Variants in UNC5C observed in about 807,000 individuals in gnomAD.
UNC5C encodes unc-5 netrin receptor C, also known as netrin receptor UNC5C.
In UNC5C, 47 loss-of-function variants were observed where a neutral mutation model predicts 99.8. That is an observed-to-expected ratio of 0.47 (90% CI 0.37 to 0.60). UNC5C has a LOEUF of 0.60. UNC5C is among the 20% of genes least tolerant of loss of function. UNC5C has a pLI of 0.00. For missense variants in UNC5C, 1,062 were observed against 1,165.9 expected (o/e 0.91, Z 1.30); for synonymous variants, 487 against 452.2 (o/e 1.08, Z -0.98).
chr4:95,459,366 C>T lies in UNC5C; in HGVS notation c.124+89368G>A, dbSNP rs1437332628. On this transcript the variant is annotated intron_variant, in intron 1 of 15. Coordinates refer to ENST00000453304, the MANE Select transcript of UNC5C (RefSeq NM_003728.4). Reference sequence around the variant, plus strand: ...TTAAAAAAATCAAAATATACAAAGTCATTCAGTAGACTGACTATTATTCCA... The same window carrying T: ...TTAAAAAAATCAAAATATACAAAGTTATTCAGTAGACTGACTATTATTCCA... Among the ~76,000 whole-genome samples, 6 of 152,168 alleles carry T rather than the reference C, an allele frequency of 3.9e-5. No individual in the cohort carries two copies. The East Asian group carries it at 1.2e-3, about 29-fold the overall frequency.
At chr4:95,439,264 G>T in intron 1 of UNC5C, among the ~76,000 whole-genome samples, 1 of 152,066 alleles carries the variant, frequency 6.6e-6, no homozygotes, top group East Asian at 1.9e-4. Context: ...GAATGGAAAA[G>T]ATTTATAAGC....
intron 4 of UNC5C, among the ~76,000 whole-genome samples, chr4:95,258,744 T>C (rs149773962): frequency 0.033 from 4,215 of 128,874 alleles, 138 homozygotes; most frequent in South Asian, 0.076. Flanking sequence ...GACCATCTTA[T>C]TCTTTTTTTT....
chr4:95,271,431 G>T (rs1056909148), intron 4 of UNC5C, among the ~76,000 whole-genome samples: 1 of 151,944 alleles, frequency 6.6e-6, no homozygotes, highest in Non-Finnish European at 1.5e-5. Flanking sequence ...GGGTTTCACT[G>T]TGTTAGCCAG....
At chr4:95,512,861 T>A (rs528099816) in intron 1 of UNC5C, among the ~76,000 whole-genome samples, 9 of 152,296 alleles carry the variant, frequency 5.9e-5, no homozygotes, top group African/African-American at 1.9e-4. Context: ...AATTTCCAGG[T>A]AATGAAAATT....
intron 1 of UNC5C, among the ~76,000 whole-genome samples, chr4:95,394,651 C>CTGTGTG (rs10527279): frequency 0.092 from 13,594 of 147,678 alleles, 793 homozygotes; most frequent in Admixed American, 0.2. Context: ...AAGGTATTTG[C>CTGTGTG]TGTGTGTGTG....
chr4:95,398,344 T>A (rs1207805801), intron 1 of UNC5C, among the ~76,000 whole-genome samples: 2 of 152,118 alleles, frequency 1.3e-5, no homozygotes, highest in South Asian at 4.1e-4. Flanking sequence ...CTGACCCCAG[T>A]GCTCCCCAAC....
At chr4:95,528,838 G>A (rs1162357009) in intron 1 of UNC5C, among the ~76,000 whole-genome samples, 1 of 151,992 alleles carries the variant, frequency 6.6e-6, no homozygotes, top group Non-Finnish European at 1.5e-5. Flanking sequence ...GGCGATGAGA[G>A]GATATAACTG....
intron 4 of UNC5C, among the ~76,000 whole-genome samples, chr4:95,264,494 C>T (rs1308882474): frequency 6.6e-6 from 1 of 152,008 alleles, no homozygotes; most frequent in East Asian, 1.9e-4. Flanking sequence ...TATCAACTCC[C>T]CCAATGCTCT....
At chr4:95,480,858 T>G (rs1721128412) in intron 1 of UNC5C, among the ~76,000 whole-genome samples, 1 of 151,802 alleles carries the variant, frequency 6.6e-6, no homozygotes, top group Non-Finnish European at 1.5e-5. Context: ...GGGACGTATC[T>G]CAAAATAATA....
chr4:95,491,520 T>G (rs1452678416), intron 1 of UNC5C, among the ~76,000 whole-genome samples: 2 of 151,610 alleles, frequency 1.3e-5, no homozygotes, highest in Admixed American at 1.3e-4. Flanking sequence ...ACTGTGCAGT[T>G]AGTTGTTACT....
intron 1 of UNC5C, among the ~76,000 whole-genome samples, chr4:95,522,839 C>T (rs931623164): frequency 6.6e-6 from 1 of 152,122 alleles, no homozygotes; most frequent in African/African-American, 2.4e-5. Flanking sequence ...GTCACATGTT[C>T]TCGTAATTGT....
chr4:95,508,009 C>T (rs1180789075), intron 1 of UNC5C, among the ~76,000 whole-genome samples: 1 of 152,030 alleles, frequency 6.6e-6, no homozygotes, highest in Non-Finnish European at 1.5e-5. Context: ...TCCCATTAAA[C>T]ACTTTAGGAT....
chr4:95,221,779 G>A (rs958983506), intron 7 of UNC5C, among the ~76,000 whole-genome samples: 1 of 152,118 alleles, frequency 6.6e-6, no homozygotes, highest in African/African-American at 2.4e-5. Context: ...TTTATTTGAG[G>A]CACTGCTGCA....
intron 14 of UNC5C, among the ~76,000 whole-genome samples, 185 bp downstream of exon 14, chr4:95,182,712 A>T (rs963734081): frequency 7.9e-5 from 12 of 151,984 alleles, no homozygotes; most frequent in South Asian, 2.1e-4. Flanking sequence ...TAATATATAT[A>T]TATTTTTTTC....
At chr4:95,378,579 G>A (rs1278820747) in intron 1 of UNC5C, among the ~76,000 whole-genome samples, 1 of 152,160 alleles carries the variant, frequency 6.6e-6, no homozygotes, top group Non-Finnish European at 1.5e-5. Context: ...TATAAGGGCT[G>A]AGGACTTTGT....
At chr4:95,521,114 C>A (rs1390919591) in intron 1 of UNC5C, among the ~76,000 whole-genome samples, 1 of 151,722 alleles carries the variant, frequency 6.6e-6, no homozygotes. Flanking sequence ...TGATTAGATT[C>A]TTGGTGAGGG....
At chr4:95,334,246 A>G (rs1370794101) in intron 2 of UNC5C, among the ~76,000 whole-genome samples, 1 of 152,048 alleles carries the variant, frequency 6.6e-6, no homozygotes, top group Admixed American at 6.6e-5. Flanking sequence ...GAAAGTAGAA[A>G]GTAGAGCCCT....
intron 4 of UNC5C, among the ~76,000 whole-genome samples, chr4:95,276,983 T>C (rs2149393597): frequency 6.6e-6 from 1 of 152,304 alleles, no homozygotes; most frequent in East Asian, 1.9e-4. Flanking sequence ...CAATTAATTA[T>C]TATTATTACT....
chr4:95,193,003 A>G (rs1236817216), intron 12 of UNC5C, among the ~76,000 whole-genome samples: 1 of 152,228 alleles, frequency 6.6e-6, no homozygotes, highest in Non-Finnish European at 1.5e-5. Context: ...GAAAGAAATG[A>G]TTAAAGTTAA....
Sources: gnomAD v4.1 joint callset for allele counts (sites outside exome capture counted in the v4.1 genomes callset) on GRCh38, gnomAD v4.1.1 for gene constraint, MANE v1.5 for transcripts, NCBI Gene and HGNC (gene_info 2026-07-23, HGNC 2026-07-21) for gene names.